Variants in NUP88 observed in about 807,000 individuals in gnomAD.
NUP88 encodes nuclear pore complex protein Nup88.
In NUP88, 57 loss-of-function variants were observed where a neutral mutation model predicts 93.9. The ratio of observed to expected loss-of-function variants is 0.61; its 90% CI spans 0.49 to 0.76. The LOEUF (loss-of-function observed/expected upper bound fraction) is 0.76, where lower values mean the gene tolerates loss of function less well. NUP88 is among the 30% of genes least tolerant of loss of function. The probability of loss-of-function intolerance (pLI) is 0.00; values close to 1 mark genes in which losing one functional copy is unlikely to be tolerated. For synonymous variants in NUP88, 346 were observed against 336.8 expected, an observed-to-expected ratio of 1.03 and a Z score of -0.30; for missense variants, 911 against 901.0, an observed-to-expected ratio of 1.01 and a Z score of -0.14.
intron 3 of NUP88, among the ~76,000 whole-genome samples, chr17:5,411,979 C>T (rs17636147): frequency 0.46 from 70,216 of 152,010 alleles, 16,977 homozygotes; most frequent in East Asian, 0.84. Flanking sequence ...TAATGTTGTA[C>T]TGGGGAACAG....
At position 5,409,696 on chromosome 17, in the gene NUP88, A is replaced by G. The variant is rs1432950922; in HGVS notation, c.681-787T>C. On this transcript the variant is annotated intron_variant, in intron 4 of 16. Transcript: ENST00000573584. ...CCCTCTAGAGAGAGAAATACCACAA[A>G]AAGAGAAGAAATAAAGATGGAACAT... 3.9e-5 allele frequency among the ~76,000 whole-genome samples: 6 copies of G among 152,348 alleles called. No individual in the cohort carries two copies. The East Asian group carries it at 1.2e-3, about 29-fold the overall frequency.
At chr17:5,400,493 CAAAAAAAAA>C (rs1187634728) in intron 7 of NUP88, among the ~76,000 whole-genome samples, 4 of 44,740 alleles carry the variant, frequency 8.9e-5, no homozygotes, top group African/African-American at 2.3e-4. Context: ...AACTCCGTCT[CAAAAAAAAA>C]AAAAAAAAAA....
At chr17:5,408,519 A>C (rs1913628072) in intron 5 of NUP88, among the ~76,000 whole-genome samples, 1 of 152,274 alleles carries the variant, frequency 6.6e-6, no homozygotes, top group Non-Finnish European at 1.5e-5. Flanking sequence ...ATAAGTGATT[A>C]TCCAAGAATT....
chr17:5,388,684 C>A, intron 11 of NUP88, 118 bp downstream of exon 11: 5 of 933,226 alleles, frequency 5.4e-6, no homozygotes, highest in Non-Finnish European at 7.8e-6. Context: ...TATCCAGTTT[C>A]TTCCAAATTT....
intron 2 of NUP88, among the ~76,000 whole-genome samples, chr17:5,416,188 T>TACACACACATACACACACACAC (rs1914138861): frequency 2.3e-4 from 29 of 126,202 alleles, no homozygotes; most frequent in African/African-American, 8.0e-4. Flanking sequence ...TATACACACA[T>TACACACACATACACACACACAC]ACACACACAC....
intron 1 of NUP88, 85 bp downstream of exon 1, chr17:5,419,269 T>C (rs1319256996): frequency 7.1e-7 from 1 of 1,409,238 alleles, no homozygotes; most frequent in African/African-American, 1.4e-5. Context: ...TGCCACAAGA[T>C]GAAAAACAGC....
At chr17:5,409,355 CAA>C (rs1247921290) in intron 4 of NUP88, among the ~76,000 whole-genome samples, 1 of 111,204 alleles carries the variant, frequency 9.0e-6, no homozygotes, top group Admixed American at 1.3e-4. Flanking sequence ...GCCTGGGCGA[CAA>C]GAGCGAAACT....
chr17:5,391,816 C>A (rs1434116095), intron 9 of NUP88, among the ~76,000 whole-genome samples, 154 bp from the exon 10 acceptor site: 1 of 152,214 alleles, frequency 6.6e-6, no homozygotes, highest in Non-Finnish European at 1.5e-5. Context: ...GGCTTGGAAA[C>A]CTTTAATGCA....
chr17:5,399,108 G>A (rs749293774), intron 8 of NUP88, among the ~76,000 whole-genome samples: 13 of 149,964 alleles, frequency 8.7e-5, no homozygotes, highest in Non-Finnish European at 1.8e-4. Flanking sequence ...AGCCAGGATG[G>A]TCTCAATCTC....
intron 3 of NUP88, among the ~76,000 whole-genome samples, chr17:5,413,412 T>C (rs1913955504): frequency 6.6e-6 from 1 of 152,296 alleles, no homozygotes; most frequent in Admixed American, 6.5e-5. Flanking sequence ...AAAGCAGTGA[T>C]TACGAAAAAT....
chr17:5,389,609 C>A (rs1282134652), intron 10 of NUP88, among the ~76,000 whole-genome samples: 1 of 151,296 alleles, frequency 6.6e-6, no homozygotes, highest in African/African-American at 2.4e-5. Context: ...AAAACTGTCT[C>A]TACTAAAAAT....
intron 12 of NUP88, 24 bp from the exon 13 acceptor site, chr17:5,387,694 G>A: frequency 6.2e-7 from 1 of 1,609,208 alleles, no homozygotes; most frequent in Non-Finnish European, 8.5e-7. Context: ...AAGAAATAGA[G>A]TTTATTCAGA....
rs1286082437 is a variant in NUP88 at position 5,387,602 on chromosome 17, T to TA, written c.1835+2dup. 6.2e-7 allele frequency: 1 copy of TA among 1,611,816 alleles called. No individual in the cohort carries two copies. Among genetic ancestry groups the TA allele is most frequent in the Admixed American group, 1.7e-5 (1 of 59,836 alleles). On this transcript the variant is annotated splice_region_variant and intron_variant, in intron 13 of 16. Transcript: ENST00000573584. ...TTGTATTCTTCTTATTTTTGACACTTACCTCTCTTCTCGACAATAACTGAG... is the reference window on the plus strand; with the variant it reads ...TTGTATTCTTCTTATTTTTGACACTTAACCTCTCTTCTCGACAATAACTGAG...
chr17:5,387,220 G>T, intron 14 of NUP88, 110 bp from the exon 15 acceptor site: 1 of 1,347,984 alleles, frequency 7.4e-7, no homozygotes. Flanking sequence ...AGGCCCCATA[G>T]GAAGGGTTAG....
At position 5,419,433 on chromosome 17, in the gene NUP88, C is replaced by G. The variant is rs1914455359; in HGVS notation, c.218G>C (p.Gly73Ala). The part of the protein sequence containing the change: ...GLGGELFLWD[G>A]EDSSFLVVRL... ...AACGACTAAGAAGGAGCTGTCTTCTCCGTCCCACAGGAAAAGCTCTCCGCC... is the reference window on the plus strand; with the variant it reads ...AACGACTAAGAAGGAGCTGTCTTCTGCGTCCCACAGGAAAAGCTCTCCGCC... Residue 73 changes from glycine to alanine, a missense_variant, in exon 1 of 17, where the codon GGA (glycine) becomes GCA (alanine). Gly to Ala is a moderately conservative substitution (Grantham distance 60). Coordinates refer to ENST00000573584, the MANE Select transcript of NUP88 (RefSeq NM_002532.6). The G allele has an allele frequency of 6.2e-7, 1 of 1,613,802 alleles. No homozygotes were observed. Among genetic ancestry groups the G allele is most frequent in the African/African-American group, 1.3e-5 (1 of 74,952 alleles).
chr17:5,391,849 C>G (rs768586579), intron 9 of NUP88, among the ~76,000 whole-genome samples, 187 bp from the exon 10 acceptor site: 1 of 152,192 alleles, frequency 6.6e-6, no homozygotes, highest in African/African-American at 2.4e-5. Flanking sequence ...AGTCTAGAGC[C>G]CATGTGACTA....
chr17:5,385,487 C>T lies in NUP88; in HGVS notation c.*719G>A, dbSNP rs776756789. On this transcript the variant is annotated 3_prime_UTR_variant, in exon 17 of 17. Transcript: ENST00000573584. ...GCAGATATAGTAGTACCTTTCAGAA[C>T]TCACATTGGCAAGTGTAAAAAGATG... 1.7e-5 allele frequency: 4 copies of T among 230,460 alleles called. No homozygotes were observed. Among genetic ancestry groups the T allele is most frequent in the Non-Finnish European group, 3.4e-5 (4 of 116,422 alleles). The allele number at this position is 230,460 out of a possible 1,614,324, so 14.3% of individuals were successfully genotyped here. A position where few individuals can be genotyped will look rare whatever the true frequency, so the allele number is the denominator to read the frequency against.
intron 13 of NUP88, 31 bp from the exon 14 acceptor site, chr17:5,387,497 G>C (rs1912089174): frequency 6.2e-7 from 1 of 1,609,000 alleles, no homozygotes; most frequent in African/African-American, 1.3e-5. Context: ...AGACTCTTGA[G>C]GTCCACCCCT....
At position 5,385,860 on chromosome 17, in the gene NUP88, G is replaced by A. The variant is rs901924203; in HGVS notation, c.*346C>T. On this transcript the variant is annotated 3_prime_UTR_variant, in exon 17 of 17. Transcript: ENST00000573584. ...TCCTAGGGTTCTATCCCTCTTCAGAGTCATGTTTCTGGTGCTGCTACTTTA... is the reference window on the plus strand; with the variant it reads ...TCCTAGGGTTCTATCCCTCTTCAGAATCATGTTTCTGGTGCTGCTACTTTA... 3.6e-6 allele frequency: 1 copy of A among 276,962 alleles called. No individual in the cohort carries two copies. The highest frequency in any genetic ancestry group is 2.2e-5 in the African/African-American group (1 of 46,376). 17.2% of individuals were successfully genotyped at this position (276,962 alleles called of 1,614,324 possible).
Sources: gnomAD v4.1 joint callset for allele counts (sites outside exome capture counted in the v4.1 genomes callset) on GRCh38, gnomAD v4.1.1 for gene constraint, MANE v1.5 for transcripts, NCBI Gene and HGNC (gene_info 2026-07-23, HGNC 2026-07-21) for gene names.